Variants in RPS6KA5 observed in about 807,000 individuals in gnomAD.
The protein encoded by RPS6KA5 is ribosomal protein S6 kinase A5.
In RPS6KA5, 27 loss-of-function variants were observed where a neutral mutation model predicts 85.5. The ratio of observed to expected loss-of-function variants is 0.32; its 90% CI spans 0.23 to 0.44. The LOEUF (loss-of-function observed/expected upper bound fraction) is 0.44, where lower values mean the gene tolerates loss of function less well. RPS6KA5 is among the 20% of genes least tolerant of loss of function. The pLI, the probability that RPS6KA5 is intolerant of heterozygous loss-of-function variation, is 1.00. For missense variants in RPS6KA5, 811 were observed against 980.9 expected (o/e 0.83, Z 2.31); for synonymous variants, 334 against 348.2 (o/e 0.96, Z 0.46).
chr14:90,914,120 AC>A (rs1057082860), intron 7 of RPS6KA5, among the ~76,000 whole-genome samples: 25 of 151,938 alleles, frequency 1.6e-4, no homozygotes, highest in African/African-American at 6.0e-4. Flanking sequence ...CTCTGGGTTG[AC>A]TGTAGCAGTA....
intron 1 of RPS6KA5, among the ~76,000 whole-genome samples, chr14:91,014,500 T>G (rs1439772460): frequency 7.7e-6 from 1 of 130,274 alleles, no homozygotes; most frequent in Non-Finnish European, 1.6e-5. Flanking sequence ...AGACTCCATC[T>G]CAAAAAAAAA....
chr14:91,048,550 T>C (rs2042955787), intron 1 of RPS6KA5, among the ~76,000 whole-genome samples: 1 of 152,186 alleles, frequency 6.6e-6, no homozygotes, highest in African/African-American at 2.4e-5. Flanking sequence ...CTCACAACTT[T>C]AGGAGTATAT....
At chr14:90,921,238 C>G (rs923400203) in intron 6 of RPS6KA5, among the ~76,000 whole-genome samples, 1 of 152,092 alleles carries the variant, frequency 6.6e-6, no homozygotes, top group Non-Finnish European at 1.5e-5. Context: ...ATACAGAGTG[C>G]TGACATACAA....
In RPS6KA5 at chr14:90,849,373, T is replaced by C. The variant is rs1337822028; in HGVS notation, c.*22701A>G. ...GAGGGCACGGACTCCGGATCTTTTA[T>C]CTTATGAATAGATCCACTTTGGTTG... On this transcript the variant is annotated 3_prime_UTR_variant, in exon 17 of 17. Transcript: ENST00000614987. The C allele has an allele frequency of 6.6e-6, 1 of 152,240 alleles. No homozygotes were observed. Among genetic ancestry groups the C allele is most frequent in the East Asian group, 1.9e-4 (1 of 5,198 alleles). The allele number at this position is 152,240 out of a possible 1,614,324, so 9.4% of individuals were successfully genotyped here. A position where few individuals can be genotyped will look rare whatever the true frequency, so the allele number is the denominator to read the frequency against.
intron 11 of RPS6KA5, among the ~76,000 whole-genome samples, 162 bp from the exon 12 acceptor site, chr14:90,899,584 C>T (rs563294515): frequency 2.0e-5 from 3 of 152,204 alleles, no homozygotes; most frequent in African/African-American, 7.2e-5. Context: ...ATACCACACA[C>T]TAGAAAAAGT....
At chr14:91,033,327 CTGT>C (rs1235147150) in intron 1 of RPS6KA5, among the ~76,000 whole-genome samples, 1 of 152,070 alleles carries the variant, frequency 6.6e-6, no homozygotes, top group African/African-American at 2.4e-5. Flanking sequence ...ACAATAGAAA[CTGT>C]TGGGCCGGGC....
chr14:90,952,405 T>C (rs2038246443), intron 3 of RPS6KA5, among the ~76,000 whole-genome samples: 1 of 152,246 alleles, frequency 6.6e-6, no homozygotes, highest in Non-Finnish European at 1.5e-5. Flanking sequence ...ATTTAATTAA[T>C]GAAGTGTTAC....
chr14:90,956,784 C>G (rs1318576439), intron 3 of RPS6KA5, among the ~76,000 whole-genome samples: 1 of 151,448 alleles, frequency 6.6e-6, no homozygotes, highest in Non-Finnish European at 1.5e-5. Context: ...AACATTAATT[C>G]TATATATCTA....
intron 14 of RPS6KA5, among the ~76,000 whole-genome samples, chr14:90,882,550 A>C (rs980568103): frequency 6.6e-6 from 1 of 152,216 alleles, no homozygotes; most frequent in Non-Finnish European, 1.5e-5. Flanking sequence ...CATTTCTTAC[A>C]GAGCGGCGTT....
At chr14:90,933,083 C>T (rs902215093) in intron 5 of RPS6KA5, among the ~76,000 whole-genome samples, 8 of 152,172 alleles carry the variant, frequency 5.3e-5, no homozygotes, top group African/African-American at 1.9e-4. Flanking sequence ...TAAAACTGAG[C>T]CAATCAATGC....
chr14:90,996,412 T>C (rs971494745), intron 2 of RPS6KA5, among the ~76,000 whole-genome samples: 2 of 152,116 alleles, frequency 1.3e-5, no homozygotes, highest in African/African-American at 4.8e-5. Flanking sequence ...AATTCAATGG[T>C]GAAATTAATC....
chr14:91,003,127 TAA>T (rs2040857860), intron 1 of RPS6KA5, among the ~76,000 whole-genome samples: 1 of 152,136 alleles, frequency 6.6e-6, no homozygotes, highest in Non-Finnish European at 1.5e-5. Flanking sequence ...AAGAGATTAT[TAA>T]AGAGTCATGT....
At position 90,856,563 on chromosome 14, in the gene RPS6KA5, C is replaced by T. The variant is rs1390825073; in HGVS notation, c.*15511G>A. 1 of 151,980 alleles carries T rather than the reference C, an allele frequency of 6.6e-6. No homozygotes were observed. Among genetic ancestry groups the T allele is most frequent in the Non-Finnish European group, 1.5e-5 (1 of 68,036 alleles). 9.4% of individuals were successfully genotyped at this position (151,980 alleles called of 1,614,324 possible). A position where few individuals can be genotyped will look rare whatever the true frequency, so the allele number is the denominator to read the frequency against. On this transcript the variant is annotated 3_prime_UTR_variant, in exon 17 of 17. Coordinates refer to ENST00000614987, the MANE Select transcript of RPS6KA5 (RefSeq NM_004755.4). Reference sequence around the variant, plus strand: ...ATTTTATTAGAGATGGAGTTTCTCCCTTTTGGTCAGGCTGTTCTCCAACTC... The same window carrying T: ...ATTTTATTAGAGATGGAGTTTCTCCTTTTTGGTCAGGCTGTTCTCCAACTC...
Position 90,943,640 on chromosome 14 carries a change from A to G in RPS6KA5, c.511-455T>C, listed in dbSNP as rs75386530. ...ATGTTTACATTGTACTTACCTATAC[A>G]TGACTGATATTTTCTAGCTATTTCC... On this transcript the variant is annotated intron_variant, in intron 4 of 16. Transcript: ENST00000614987. 1.8e-3 allele frequency among the ~76,000 whole-genome samples: 269 copies of G among 152,254 alleles called. 1 individual carries two copies. The highest frequency in any genetic ancestry group is 5.7e-3 in the African/African-American group (237 of 41,550).
chr14:90,988,769 T>C (rs1259242028), intron 2 of RPS6KA5, among the ~76,000 whole-genome samples: 2 of 152,106 alleles, frequency 1.3e-5, no homozygotes, highest in East Asian at 1.9e-4. Context: ...GCTGAGATCA[T>C]GCCACTGCAC....
intron 7 of RPS6KA5, among the ~76,000 whole-genome samples, chr14:90,917,607 C>G (rs1022208167): frequency 1.3e-5 from 2 of 152,118 alleles, no homozygotes; most frequent in Admixed American, 6.6e-5. Flanking sequence ...CTTTTTGTCA[C>G]TGTAGGTTAG....
intron 4 of RPS6KA5, 84 bp downstream of exon 4, chr14:90,947,351 T>G: frequency 1.3e-6 from 1 of 742,808 alleles, no homozygotes; most frequent in Non-Finnish European, 2.4e-6. Context: ...GACAATAACA[T>G]GTAAAAACAT....
At chr14:90,960,401 C>A (rs941853997) in intron 3 of RPS6KA5, among the ~76,000 whole-genome samples, 8 of 152,070 alleles carry the variant, frequency 5.3e-5, no homozygotes, top group Non-Finnish European at 1.2e-4. Context: ...GTTATTCTCT[C>A]AAAAGGAATG....
At chr14:90,902,449 C>T (rs184305324) in intron 9 of RPS6KA5, among the ~76,000 whole-genome samples, 122 of 152,260 alleles carry the variant, frequency 8.0e-4, no homozygotes, top group African/African-American at 2.8e-3. Context: ...AGCACTGCTA[C>T]ACTCCAGTCT....
Sources: allele counts gnomAD v4.1 joint callset (sites outside exome capture counted in the v4.1 genomes callset), GRCh38; gene constraint gnomAD v4.1.1; transcripts MANE v1.5; gene names NCBI Gene and HGNC (gene_info 2026-07-23, HGNC 2026-07-21).